The following KDM5A variants were observed in gnomAD, a reference collection of about 807,000 sequenced individuals.
KDM5A encodes the protein lysine demethylase 5A, also known as lysine-specific demethylase 5A.
A neutral mutation model predicts 193.5 loss-of-function variants in KDM5A; 42 were observed. That is an observed-to-expected ratio of 0.22 (90% CI 0.17 to 0.28). KDM5A has a LOEUF of 0.28. Ranked by LOEUF, KDM5A falls within the 10% of genes least tolerant of loss-of-function variation. The pLI is 1.00. For synonymous variants in KDM5A, 796 were observed against 718.1 expected (o/e 1.11, Z -1.73); for missense variants, 1,692 against 2,055.1 (o/e 0.82, Z 3.42).
intron 3 of KDM5A, among the ~76,000 whole-genome samples, chr12:381,283 C>T (rs1055883150): frequency 2.0e-5 from 3 of 151,418 alleles, no homozygotes; most frequent in Admixed American, 6.6e-5. Flanking sequence ...CATGAGCCAC[C>T]GTGCCCGGCT....
intron 24 of KDM5A, among the ~76,000 whole-genome samples, chr12:304,911 A>G (rs1943486443): frequency 6.6e-6 from 1 of 152,230 alleles, no homozygotes; most frequent in Non-Finnish European, 1.5e-5. Context: ...GGGTGATTCC[A>G]GTATTCAAGG....
At chr12:388,435 T>C in intron 1 of KDM5A, 2 of 400,784 alleles carry the variant, frequency 5.0e-6, no homozygotes, top group Admixed American at 5.8e-5. Flanking sequence ...ACTTTTTCAC[T>C]GCGGCAATAA....
intron 24 of KDM5A, among the ~76,000 whole-genome samples, chr12:302,366 C>T (rs540809004): frequency 6.1e-4 from 93 of 152,128 alleles, no homozygotes; most frequent in Non-Finnish European, 1.1e-3. Context: ...AGAAATAACA[C>T]CATACATCTA....
intron 26 of KDM5A, among the ~76,000 whole-genome samples, chr12:295,158 C>CT (rs35317843): frequency 0.016 from 2,468 of 150,516 alleles, 28 homozygotes; most frequent in East Asian, 0.064. Flanking sequence ...CAGAAATGGC[C>CT]TTTTTTTTTC....
At chr12:324,267 A>AGCAGT (rs1316508275) in intron 14 of KDM5A, among the ~76,000 whole-genome samples, 1 of 152,032 alleles carries the variant, frequency 6.6e-6, no homozygotes, top group Middle Eastern at 3.2e-3. Context: ...GCTGCACTCC[A>AGCAGT]ACCCCAGCCG....
chr12:336,656 C>T (rs1455027759), intron 10 of KDM5A, among the ~76,000 whole-genome samples: 1 of 152,000 alleles, frequency 6.6e-6, no homozygotes, highest in Non-Finnish European at 1.5e-5. Context: ...GACTGGCCAA[C>T]ACCGTGAAAT....
chr12:364,766 C>CG (rs1358568592), intron 4 of KDM5A, among the ~76,000 whole-genome samples: 2 of 122,674 alleles, frequency 1.6e-5, no homozygotes, highest in Non-Finnish European at 3.2e-5. Flanking sequence ...GCCTGGGCGA[C>CG]GGAGTCTCAT....
chr12:323,477 G>T, intron 15 of KDM5A, 123 bp downstream of exon 15: 2 of 1,068,816 alleles, frequency 1.9e-6, no homozygotes, highest in Non-Finnish European at 2.8e-6. Flanking sequence ...TTCAAGCCTA[G>T]AAGTAGACAG....
At chr12:357,827 C>CAAAAAAAAAA (rs61577928) in intron 5 of KDM5A, among the ~76,000 whole-genome samples, 705 of 29,846 alleles carry the variant, frequency 0.024, 202 homozygotes, top group Middle Eastern at 0.038. Flanking sequence ...GACTCAGTCT[C>CAAAAAAAAAA]AAAAAAAAAA....
chr12:281,882 C>A lies in KDM5A; in HGVS notation c.*3574G>T. The stretch of plus-strand genomic sequence containing the variant: ...GGCGTGCACGAATTGCATCCAGAAC[C>A]CAAAAATTAAGAAATTCAAAAAGAC... On this transcript the variant is annotated 3_prime_UTR_variant, in exon 28 of 28. Transcript: ENST00000399788. 1 of 279,478 alleles carries A rather than the reference C, an allele frequency of 3.6e-6. No individual in the cohort carries two copies. Among genetic ancestry groups the A allele is most frequent in the Non-Finnish European group, 7.0e-6 (1 of 142,590 alleles). 17.3% of individuals were successfully genotyped at this position (279,478 alleles called of 1,614,324 possible).
At chr12:312,475 C>A (rs765328726) in intron 20 of KDM5A, among the ~76,000 whole-genome samples, 27 of 152,130 alleles carry the variant, frequency 1.8e-4, no homozygotes, top group Non-Finnish European at 3.5e-4. Flanking sequence ...CAGTAGGTAA[C>A]AAATTCCCTA....
At chr12:297,490 G>A (rs80154723) in intron 24 of KDM5A, among the ~76,000 whole-genome samples, 3,925 of 152,230 alleles carry the variant, frequency 0.026, 161 homozygotes, top group African/African-American at 0.09. Context: ...TACTGCCTTC[G>A]TACAAGGGCT....
In KDM5A at chr12:363,037, C is replaced by G; in HGVS notation, c.598G>C (p.Asp200His). 6.2e-7 allele frequency: 1 copy of G among 1,614,130 alleles called. No homozygotes were observed. Among genetic ancestry groups the G allele is most frequent in the African/African-American group, 1.3e-5 (1 of 75,034 alleles). The change falls in exon 5 of 28, where the codon GAT (aspartate) becomes CAT (histidine). Residue 200 changes from aspartate to histidine, a missense_variant. Asp to His is a moderately conservative substitution (Grantham distance 81). Coordinates refer to ENST00000399788, the MANE Select transcript of KDM5A (RefSeq NM_001042603.3). ...EKVEPEVLST[D>H]TQTSPEPGTR... ...CCTGGCTCTGGGGAAGTTTGGGTATCAGTGCTGAGAACCTCAGGCTCCACT... is the reference window on the plus strand; with the variant it reads ...CCTGGCTCTGGGGAAGTTTGGGTATGAGTGCTGAGAACCTCAGGCTCCACT...
At chr12:384,304 G>T in intron 2 of KDM5A, 151 bp from the exon 3 acceptor site, 1 of 682,386 alleles carries the variant, frequency 1.5e-6, no homozygotes, top group Non-Finnish European at 2.7e-6. Flanking sequence ...CAGCGGCAGT[G>T]GGCAACCAAC....
At chr12:381,690 A>C (rs1944574242) in intron 3 of KDM5A, among the ~76,000 whole-genome samples, 1 of 152,200 alleles carries the variant, frequency 6.6e-6, no homozygotes, top group Non-Finnish European at 1.5e-5. Flanking sequence ...TACCTGACTG[A>C]TTAAAAAAAG....
At chr12:292,465 T>C (rs931734711) in intron 27 of KDM5A, among the ~76,000 whole-genome samples, 1 of 152,210 alleles carries the variant, frequency 6.6e-6, no homozygotes, top group Non-Finnish European at 1.5e-5. Context: ...ATTCTGAAAC[T>C]TGTTATGCCC....
chr12:341,240 C>A (rs1449903248), intron 10 of KDM5A, among the ~76,000 whole-genome samples: 1 of 152,138 alleles, frequency 6.6e-6, no homozygotes, highest in East Asian at 1.9e-4. Flanking sequence ...GGTGTGAAGA[C>A]ATTCAGGCTG....
At chr12:313,821 G>A (rs1338071772) in intron 19 of KDM5A, among the ~76,000 whole-genome samples, 1 of 152,192 alleles carries the variant, frequency 6.6e-6, no homozygotes, top group Non-Finnish European at 1.5e-5. Context: ...GCCCAGGAGA[G>A]TTGAGAAAGG....
chr12:323,716 T>C lies in KDM5A; in HGVS notation c.2034A>G (p.Ala678=). 1.2e-6 allele frequency: 2 copies of C among 1,614,114 alleles called. No individual in the cohort carries two copies. Among genetic ancestry groups the C allele is most frequent in the Non-Finnish European group, 1.7e-6 (2 of 1,179,936 alleles). The change falls in exon 15 of 28, where the codon GCA becomes GCG. Residue 678 remains alanine (A), a synonymous_variant. Coordinates refer to ENST00000399788, the MANE Select transcript of KDM5A (RefSeq NM_001042603.3). Reference sequence around the variant, plus strand: ...CAGAGAGAAAACATGTGGTTCTGCATGCTGAACACTGCCGCTCATCATCAG... The same window carrying C: ...CAGAGAGAAAACATGTGGTTCTGCACGCTGAACACTGCCGCTCATCATCAG... The part of the protein sequence containing the change: ...LVPDDERQCS[A]CRTTCFLSAL...
Sources: allele counts gnomAD v4.1 joint callset (sites outside exome capture counted in the v4.1 genomes callset), GRCh38; gene constraint gnomAD v4.1.1; transcripts MANE v1.5; gene names NCBI Gene and HGNC (gene_info 2026-07-23, HGNC 2026-07-21).